Variants in EPC1 observed in about 807,000 individuals in gnomAD.
EPC1 encodes enhancer of polycomb homolog 1.
EPC1 carries 12 observed loss-of-function variants against 98.4 expected under a neutral mutation model. The observed-to-expected ratio is 0.12, with a 90% confidence interval of 0.08 to 0.20. The LOEUF is 0.20. EPC1 is among the 10% of genes least tolerant of loss of function. The pLI, the probability that EPC1 is intolerant of heterozygous loss-of-function variation, is 1.00. For missense variants in EPC1, 729 were observed against 990.5 expected, an observed-to-expected ratio of 0.74 and a Z score of 3.54; for synonymous variants, 357 against 363.9, an observed-to-expected ratio of 0.98 and a Z score of 0.21.
intron 13 of EPC1, among the ~76,000 whole-genome samples, chr10:32,269,718 T>A (rs944135109): frequency 4.6e-5 from 7 of 152,250 alleles, no homozygotes; most frequent in Admixed American, 2.6e-4. Flanking sequence ...AGTAAAATCA[T>A]GATATGAGTC....
At position 32,303,616 on chromosome 10, in the gene EPC1, C is replaced by CAGA. The variant is rs1344133206; in HGVS notation, c.313+2153_313+2155dup. Among the ~76,000 whole-genome samples, 4 of 152,234 alleles carry CAGA rather than the reference C, an allele frequency of 2.6e-5. No individual in the cohort carries two copies. In the East Asian group the frequency reaches 7.7e-4, roughly 29 times the overall value. ...TGAACATAATTATACAGATGGATAA[C>CAGA]AGATGAGTGATGGTCAGGGGATGGG... On this transcript the variant is annotated intron_variant, in intron 2 of 13. Coordinates refer to ENST00000319778, the MANE Select transcript of EPC1 (RefSeq NM_001272004.3).
In EPC1 at chr10:32,271,818, A is replaced by G. The variant is rs1260036024; in HGVS notation, c.2105T>C (p.Ile702Thr). 1 of 1,614,164 alleles carries G rather than the reference A, an allele frequency of 6.2e-7. No individual in the cohort carries two copies. Among genetic ancestry groups the G allele is most frequent in the South Asian group, 1.1e-5 (1 of 91,088 alleles). The change falls in exon 13 of 14, where the codon ATT (isoleucine) becomes ACT (threonine). Residue 702 changes from isoleucine to threonine, a missense_variant. Physicochemically the swap from Ile to Thr is moderately conservative, Grantham distance 89 (BLOSUM62 -1). Around this residue, in one of 6 missense-constraint regions of EPC1, gnomAD observed 156 missense variants for 188.9 expected, o/e 0.83. Transcript: ENST00000319778. The part of the protein sequence containing the change: ...AGSALLQPSN[I>T]TQTSSSHSAL... ...ACTGTGGGAACTTGAAGTCTGTGTA[A>G]TATTTGAAGGCTGTAACAAAGCTGA...
chr10:32,346,691 T>A (rs770058117), intron 1 of EPC1, 72 bp downstream of exon 1: 97 of 1,477,678 alleles, frequency 6.6e-5, no homozygotes, highest in Non-Finnish European at 8.5e-5. Context: ...GTGGGTTTGC[T>A]GCTCCGCCGC....
rs1345339172 is a variant in EPC1, at chr10:32,279,162, A to G, written c.1744+5536T>C. On this transcript the variant is annotated intron_variant, in intron 10 of 13. Coordinates refer to ENST00000319778, the MANE Select transcript of EPC1 (RefSeq NM_001272004.3). ...TCAGGAGTTCGAGACTGCCTGGCCAATATGGTGAAACCCCGTCTCTACTAA... is the reference window on the plus strand; with the variant it reads ...TCAGGAGTTCGAGACTGCCTGGCCAGTATGGTGAAACCCCGTCTCTACTAA... Among the ~76,000 whole-genome samples the G allele has an allele frequency of 3.3e-5, 5 of 152,194 alleles. No homozygotes were observed. In the East Asian group the frequency reaches 7.7e-4, roughly 24 times the overall value.
chr10:32,268,673 G>A lies in EPC1; in HGVS notation c.*390C>T. On this transcript the variant is annotated 3_prime_UTR_variant, in exon 14 of 14. Transcript: ENST00000319778. Reference sequence around the variant, plus strand: ...ATAAATAGATAAAACAGCAGGTTCCGCACCATGCACATGATGTGATGACAC... The same window carrying A: ...ATAAATAGATAAAACAGCAGGTTCCACACCATGCACATGATGTGATGACAC... The A allele has an allele frequency of 6.1e-6, 1 of 164,518 alleles. No homozygotes were observed. The highest frequency in any genetic ancestry group is 1.8e-4 in the East Asian group (1 of 5,508). 10.2% of individuals were successfully genotyped at this position (164,518 alleles called of 1,614,324 possible).
chr10:32,311,307 C>T (rs576098197), intron 1 of EPC1, among the ~76,000 whole-genome samples: 1,944 of 61,120 alleles, frequency 0.032, 47 homozygotes, highest in African/African-American at 0.1. Context: ...AGCGAGACTC[C>T]GTCTCAAAAA....
Position 32,271,706 on chromosome 10 carries a change from T to C in EPC1, c.2217A>G (p.Ser739=). Residue 739 remains serine, a synonymous_variant, in exon 13 of 14, where the codon TCA becomes TCG. Transcript: ENST00000319778. ...GNNIRLTVPS[S]VATVNSIAPI... ...GGGCAATAGAGTTTACAGTGGCAAC[T>C]GATGAAGGTACAGTTAATCGAATGT... The C allele has an allele frequency of 6.2e-7, 1 of 1,614,206 alleles. No homozygotes were observed. Among genetic ancestry groups the C allele is most frequent in the South Asian group, 1.1e-5 (1 of 91,088 alleles).
chr10:32,371,622 G>T (rs567126984), intron 1 of EPC1, among the ~76,000 whole-genome samples: 9 of 152,320 alleles, frequency 5.9e-5, no homozygotes, highest in African/African-American at 2.2e-4. Context: ...TCCATGGCCA[G>T]GCGCGGTGGC....
chr10:32,328,381 T>C (rs1837430075), intron 1 of EPC1, among the ~76,000 whole-genome samples: 1 of 152,216 alleles, frequency 6.6e-6, no homozygotes, highest in South Asian at 2.1e-4. Context: ...GCATATGAGC[T>C]GAATGGAAAC....
intron 2 of EPC1, among the ~76,000 whole-genome samples, chr10:32,298,237 G>C (rs529905163): frequency 6.6e-6 from 1 of 152,278 alleles, no homozygotes; most frequent in Admixed American, 6.5e-5. Flanking sequence ...TTTAGTAATA[G>C]AGATGGAATG....
At chr10:32,340,638 C>T (rs1838281065) in intron 1 of EPC1, among the ~76,000 whole-genome samples, 1 of 151,990 alleles carries the variant, frequency 6.6e-6, no homozygotes, top group African/African-American at 2.4e-5. Flanking sequence ...GAGAACAGCC[C>T]AGGCAACATG....
exon 1 of EPC1, chr10:32,378,581 A>C (rs1839917752): frequency 1.1e-6 from 1 of 932,412 alleles, no homozygotes; most frequent in African/African-American, 1.7e-5. Flanking sequence ...AACAGCCTCC[A>C]GGCAGCATAT....
intron 10 of EPC1, among the ~76,000 whole-genome samples, chr10:32,279,508 A>C (rs920710099): frequency 6.6e-6 from 1 of 152,230 alleles, no homozygotes; most frequent in African/African-American, 2.4e-5. Flanking sequence ...ACTAAATTGC[A>C]CTAAGTTACG....
In EPC1 at chr10:32,284,778, C is replaced by T. The variant is rs760234193; in HGVS notation, c.1664G>A (p.Arg555Gln). The T allele has an allele frequency of 6.2e-6, 10 of 1,613,954 alleles. No individual in the cohort carries two copies. The highest frequency in any genetic ancestry group is 2.2e-5 in the East Asian group (1 of 44,890). ...GGTCCCAGGTTGTGCTGTTCCTGTTCGGTTTATACTCCTATATAATTTTCT... is the reference window on the plus strand; with the variant it reads ...GGTCCCAGGTTGTGCTGTTCCTGTTTGGTTTATACTCCTATATAATTTTCT... ...SCRKLYRSIN[R>Q]TGTAQPGTQT... is the part of the protein sequence containing the mutation. Residue 555 changes from arginine (R) to glutamine (Q), a missense_variant, in exon 10 of 14, where the codon CGA (arginine) becomes CAA (glutamine). By Grantham distance (43) the Arg-to-Gln change is conservative. Coordinates refer to ENST00000319778, the MANE Select transcript of EPC1 (RefSeq NM_001272004.3).
intron 1 of EPC1, among the ~76,000 whole-genome samples, chr10:32,326,143 T>C (rs1475396429): frequency 2.6e-5 from 4 of 152,218 alleles, no homozygotes; most frequent in African/African-American, 9.6e-5. Flanking sequence ...ACAATATCCC[T>C]ACTTCCTTAT....
intron 9 of EPC1, 171 bp downstream of exon 9, chr10:32,286,523 T>C (rs2132702114): frequency 1.4e-6 from 1 of 726,104 alleles, no homozygotes; most frequent in Non-Finnish European, 2.2e-6. Flanking sequence ...AAACTATGGA[T>C]GTGTAAGAAC....
At chr10:32,318,408 T>C (rs564990701) in intron 1 of EPC1, among the ~76,000 whole-genome samples, 68 of 152,326 alleles carry the variant, frequency 4.5e-4, no homozygotes, top group African/African-American at 1.6e-3. Flanking sequence ...GTCCCACTGC[T>C]TAGTCCTTAG....
At chr10:32,301,363 T>C (rs1281233326) in intron 2 of EPC1, among the ~76,000 whole-genome samples, 1 of 152,188 alleles carries the variant, frequency 6.6e-6, no homozygotes, top group Non-Finnish European at 1.5e-5. Context: ...TCTCTCTAAA[T>C]TGACCTATAG....
chr10:32,310,649 G>A (rs929395018), intron 1 of EPC1, among the ~76,000 whole-genome samples: 1 of 152,130 alleles, frequency 6.6e-6, no homozygotes, highest in Non-Finnish European at 1.5e-5. Context: ...CAGACGTGGT[G>A]GCTTACCTGA....
Sources: allele counts gnomAD v4.1 joint callset (sites outside exome capture counted in the v4.1 genomes callset), GRCh38; gene constraint gnomAD v4.1.1; regional missense constraint gnomAD v4.1.1; transcripts MANE v1.5; gene names NCBI Gene and HGNC (gene_info 2026-07-23, HGNC 2026-07-21).